Variants in PDE11A observed in about 807,000 individuals in gnomAD.
PDE11A encodes the protein dual 3',5'-cyclic-AMP and -GMP phosphodiesterase 11A.
In PDE11A, 100 loss-of-function variants were observed where a neutral mutation model predicts 100.5. The ratio of observed to expected loss-of-function variants is 1.00; its 90% CI spans 0.85 to 1.18. The LOEUF is 1.18. Ranked by LOEUF, PDE11A falls within the 50% of genes most tolerant of loss-of-function variation. PDE11A has a pLI of 0.00. For synonymous variants in PDE11A, 381 were observed against 420.8 expected, an observed-to-expected ratio of 0.91 and a Z score of 1.16; for missense variants, 1,141 against 1,152.6, an observed-to-expected ratio of 0.99 and a Z score of 0.15.
chr2:178,019,377 T>A (rs1345327257), intron 1 of PDE11A, among the ~76,000 whole-genome samples: 1 of 152,192 alleles, frequency 6.6e-6, no homozygotes, highest in Non-Finnish European at 1.5e-5. Flanking sequence ...ATGTTTATTT[T>A]ACTTGTCTTA....
chr2:177,859,230 A>G (rs539028642), intron 5 of PDE11A, among the ~76,000 whole-genome samples: 4 of 152,170 alleles, frequency 2.6e-5, no homozygotes, highest in East Asian at 3.9e-4. Flanking sequence ...CATGTACCCT[A>G]AAAGTATAAT....
chr2:177,952,787 C>T (rs17329998), intron 2 of PDE11A, among the ~76,000 whole-genome samples: 9,536 of 152,108 alleles, frequency 0.063, 312 homozygotes, highest in South Asian at 0.093. Context: ...CTGTGGTTCG[C>T]CCCCACTCTG....
At chr2:177,827,748 T>G (rs1471677365) in intron 6 of PDE11A, among the ~76,000 whole-genome samples, 1 of 152,222 alleles carries the variant, frequency 6.6e-6, no homozygotes, top group African/African-American at 2.4e-5. Flanking sequence ...CGAGGCACAA[T>G]GCCAGTTGAA....
At chr2:177,923,015 G>A (rs1035024729) in intron 2 of PDE11A, among the ~76,000 whole-genome samples, 24 of 151,282 alleles carry the variant, frequency 1.6e-4, no homozygotes, top group Admixed American at 5.3e-4. Flanking sequence ...TGGACTTTTC[G>A]ATTTGCTCTA....
intron 1 of PDE11A, among the ~76,000 whole-genome samples, chr2:178,020,394 T>C (rs146907526): frequency 1.4e-3 from 214 of 152,238 alleles, no homozygotes; most frequent in Non-Finnish European, 9.7e-4. Flanking sequence ...ATGAGAACAA[T>C]AGACACTGGG....
chr2:177,930,527 A>G (rs543559230), intron 2 of PDE11A, among the ~76,000 whole-genome samples: 1 of 152,348 alleles, frequency 6.6e-6, no homozygotes, highest in South Asian at 2.1e-4. Flanking sequence ...TAGAATCTGA[A>G]TAACTACTCT....
Position 177,629,215 on chromosome 2 carries a change from C to T in PDE11A, c.*192G>A, listed in dbSNP as rs2079879034. ...GTCCTGGGGTGTGCTCCCTGCCCCA[C>T]CTCTTTCTTTGTCCTTCCCGTTGCT... is the stretch of plus-strand genomic sequence containing the variant. On this transcript the variant is annotated 3_prime_UTR_variant, in exon 20 of 20. Coordinates refer to ENST00000286063, the MANE Select transcript of PDE11A (RefSeq NM_016953.4). 1 of 642,466 alleles carries T rather than the reference C, an allele frequency of 1.6e-6. No individual in the cohort carries two copies. The allele number at this position is 642,466 out of a possible 1,614,324, so 39.8% of individuals were successfully genotyped here. A position where few individuals can be genotyped will look rare whatever the true frequency, so the allele number is the denominator to read the frequency against.
chr2:177,714,609 T>G (rs1270764259), intron 12 of PDE11A, among the ~76,000 whole-genome samples: 1 of 152,176 alleles, frequency 6.6e-6, no homozygotes, highest in African/African-American at 2.4e-5. Context: ...CGGGTGAGTT[T>G]ATGGTCACCC....
intron 5 of PDE11A, among the ~76,000 whole-genome samples, chr2:177,873,192 G>T (rs1470785373): frequency 6.6e-6 from 1 of 152,078 alleles, no homozygotes; most frequent in Non-Finnish European, 1.5e-5. Context: ...ATGTTCAGCA[G>T]TATAAAAAAT....
At chr2:177,926,507 C>G (rs1171364286) in intron 2 of PDE11A, among the ~76,000 whole-genome samples, 2 of 151,982 alleles carry the variant, frequency 1.3e-5, no homozygotes, top group African/African-American at 2.4e-5. Flanking sequence ...CTCAAATAAG[C>G]AAGTAAGAAA....
chr2:178,105,368 A>T (rs2087605982), intron 1 of PDE11A, among the ~76,000 whole-genome samples: 1 of 152,180 alleles, frequency 6.6e-6, no homozygotes, highest in African/African-American at 2.4e-5. Context: ...GTTGAAGCAG[A>T]GAATTGCTTG....
At chr2:177,727,905 C>T (rs1349004757) in intron 11 of PDE11A, 121 bp downstream of exon 11, 16 of 1,019,514 alleles carry the variant, frequency 1.6e-5, no homozygotes, top group Non-Finnish European at 2.3e-5. Flanking sequence ...CACAGTAATC[C>T]CATGAGGTGT....
At chr2:177,945,922 A>T (rs2085416280) in intron 2 of PDE11A, among the ~76,000 whole-genome samples, 1 of 124,576 alleles carries the variant, frequency 8.0e-6, no homozygotes, top group Non-Finnish European at 1.7e-5. Flanking sequence ...CCGGGAGGTG[A>T]GGGGTGCCTC....
chr2:178,043,906 T>G (rs577872598), intron 1 of PDE11A, among the ~76,000 whole-genome samples: 1 of 152,320 alleles, frequency 6.6e-6, no homozygotes, highest in East Asian at 1.9e-4. Context: ...TTCACCATAT[T>G]ATGTTACTTT....
chr2:177,869,529 A>C (rs1028067024), intron 5 of PDE11A, among the ~76,000 whole-genome samples: 3 of 152,126 alleles, frequency 2.0e-5, no homozygotes, highest in Non-Finnish European at 4.4e-5. Flanking sequence ...CTCAACTGGG[A>C]GAAGGCTCTG....
chr2:177,807,546 A>G (rs530381258), intron 9 of PDE11A, among the ~76,000 whole-genome samples: 76 of 152,110 alleles, frequency 5.0e-4, no homozygotes, highest in South Asian at 1.5e-3. Flanking sequence ...TCAACCTCCC[A>G]AGTAGCTAGG....
intron 6 of PDE11A, among the ~76,000 whole-genome samples, chr2:177,839,624 C>G (rs901597420): frequency 5.9e-5 from 9 of 152,300 alleles, no homozygotes; most frequent in African/African-American, 1.9e-4. Context: ...CACACATCTC[C>G]TTACCCTTCC....
chr2:177,846,070 A>T (rs1640374182), intron 5 of PDE11A, among the ~76,000 whole-genome samples: 1 of 151,096 alleles, frequency 6.6e-6, no homozygotes, highest in Admixed American at 6.6e-5. Flanking sequence ...GGAGAGGGAG[A>T]GGCTGGAATT....
At chr2:177,831,872 AC>A (rs1423043286) in intron 6 of PDE11A, among the ~76,000 whole-genome samples, 1 of 152,256 alleles carries the variant, frequency 6.6e-6, no homozygotes, top group African/African-American at 2.4e-5. Flanking sequence ...TTTGAAATAT[AC>A]AAGTGCAACT....
Sources: allele counts gnomAD v4.1 joint callset (sites outside exome capture counted in the v4.1 genomes callset), GRCh38; gene constraint gnomAD v4.1.1; transcripts MANE v1.5; gene names NCBI Gene and HGNC (gene_info 2026-07-23, HGNC 2026-07-21).